Variants in GRAMD1C observed in about 807,000 individuals in gnomAD.
GRAMD1C encodes the protein protein Aster-C.
A neutral mutation model predicts 97.8 loss-of-function variants in GRAMD1C; 89 were observed. The ratio of observed to expected loss-of-function variants is 0.91; its 90% CI spans 0.77 to 1.09. The LOEUF is 1.09. Among genes scored for constraint, GRAMD1C ranks in the 50% least tolerant of loss-of-function variants. The probability of loss-of-function intolerance (pLI) is 0.00; values close to 1 mark genes in which losing one functional copy is unlikely to be tolerated. For missense variants in GRAMD1C, 740 were observed against 766.4 expected, an observed-to-expected ratio of 0.97 and a Z score of 0.41; for synonymous variants, 256 against 267.0, an observed-to-expected ratio of 0.96 and a Z score of 0.40.
At chr3:113,889,184 G>A (rs1441481093) in intron 6 of GRAMD1C, among the ~76,000 whole-genome samples, 1 of 120,892 alleles carries the variant, frequency 8.3e-6, no homozygotes, top group African/African-American at 3.2e-5. Context: ...TGGGCAGTAA[G>A]AGCAAAACTC....
chr3:113,880,842 C>T (rs939335014), intron 5 of GRAMD1C, among the ~76,000 whole-genome samples: 1 of 152,142 alleles, frequency 6.6e-6, no homozygotes, highest in Non-Finnish European at 1.5e-5. Flanking sequence ...ATTCACAGTA[C>T]TAACAACAGG....
chr3:113,833,884 G>A (rs1030980512), upstream of GRAMD1C, among the ~76,000 whole-genome samples: 7 of 152,058 alleles, frequency 4.6e-5, no homozygotes, highest in South Asian at 2.1e-4. Context: ...TCCCCACTCT[G>A]CCATTTTCGT....
chr3:113,858,391 TAC>T (rs1320647600), intron 2 of GRAMD1C, among the ~76,000 whole-genome samples: 4 of 65,808 alleles, frequency 6.1e-5, no homozygotes, highest in Admixed American at 4.6e-4. Context: ...TAATCCCAGC[TAC>T]ATTTTTTTTT....
At chr3:113,896,297 C>A (rs1350658770) in intron 6 of GRAMD1C, among the ~76,000 whole-genome samples, 2 of 152,166 alleles carry the variant, frequency 1.3e-5, no homozygotes, top group Non-Finnish European at 2.9e-5. Context: ...TCTTCCCTTG[C>A]CTTTCATGAC....
At chr3:113,891,850 G>A (rs1241439054) in intron 6 of GRAMD1C, among the ~76,000 whole-genome samples, 1 of 151,766 alleles carries the variant, frequency 6.6e-6, no homozygotes, top group Non-Finnish European at 1.5e-5. Flanking sequence ...CCGTGCCACT[G>A]CACTCCAGCC....
chr3:113,849,926 A>ACC lies in GRAMD1C; in HGVS notation c.174+5283_174+5284dup, dbSNP rs570943730. Reference sequence around the variant, plus strand: ...GGCGGCTGGCCAGGCGGGGGGGCTGACCCCCCCACCTCCCTCCCGGACGGG... The same window carrying ACC: ...GGCGGCTGGCCAGGCGGGGGGGCTGACCCCCCCCCACCTCCCTCCCGGACGGG... On this transcript the variant is annotated intron_variant, in intron 2 of 17. Transcript: ENST00000358160. Among the ~76,000 whole-genome samples, 19 of 138,714 alleles carry ACC rather than the reference A, an allele frequency of 1.4e-4. No homozygotes were observed. The East Asian group carries it at 2.0e-3, about 14-fold the overall frequency. 91.0% of individuals were successfully genotyped at this position (138,714 alleles called of 152,430 possible).
intron 11 of GRAMD1C, 37 bp downstream of exon 11, chr3:113,930,869 G>GT (rs149011696): frequency 0.048 from 50,575 of 1,062,014 alleles, 1,672 homozygotes; most frequent in African/African-American, 0.13. Context: ...AGAGTCATGT[G>GT]TGGGGGAAGA....
At chr3:113,851,522 C>CTTTTTTTT (rs35669503) in intron 2 of GRAMD1C, among the ~76,000 whole-genome samples, 1 of 133,606 alleles carries the variant, frequency 7.5e-6, no homozygotes, top group Non-Finnish European at 1.6e-5. Context: ...TTCTTTCTTT[C>CTTTTTTTT]TTTTTTTTTT....
At chr3:113,907,363 A>G (rs1247780804) in intron 8 of GRAMD1C, among the ~76,000 whole-genome samples, 1 of 152,234 alleles carries the variant, frequency 6.6e-6, no homozygotes, top group African/African-American at 2.4e-5. Flanking sequence ...TGTTTCTTGC[A>G]AAACTTATTC....
intron 6 of GRAMD1C, among the ~76,000 whole-genome samples, chr3:113,884,865 A>G (rs1935393857): frequency 6.7e-6 from 1 of 149,224 alleles, no homozygotes. Context: ...AAGAAAAAAG[A>G]GAGAGGCGCA....
At chr3:113,919,712 A>G (rs538226204) in intron 10 of GRAMD1C, 1 of 609,014 alleles carries the variant, frequency 1.6e-6, no homozygotes, top group East Asian at 4.1e-5. Flanking sequence ...CAACTGTATT[A>G]AGATAGAAGT....
At chr3:113,857,243 C>T (rs370554601) in intron 2 of GRAMD1C, among the ~76,000 whole-genome samples, 6 of 152,234 alleles carry the variant, frequency 3.9e-5, no homozygotes, top group African/African-American at 7.2e-5. Flanking sequence ...TGAATAAGAA[C>T]GGTGAGAGTG....
intron 3 of GRAMD1C, among the ~76,000 whole-genome samples, chr3:113,870,311 ATGG>A (rs1934744749): frequency 6.6e-6 from 1 of 151,890 alleles, no homozygotes; most frequent in Admixed American, 6.6e-5. Flanking sequence ...GCAGTGAGCT[ATGG>A]TGGTGTCACT....
chr3:113,920,611 G>A (rs1937008905), intron 10 of GRAMD1C, among the ~76,000 whole-genome samples: 1 of 151,876 alleles, frequency 6.6e-6, no homozygotes, highest in Non-Finnish European at 1.5e-5. Context: ...GTGCGATCTC[G>A]GCTCACTGCA....
chr3:113,875,732 T>A, intron 4 of GRAMD1C, 145 bp downstream of exon 4: 2 of 559,540 alleles, frequency 3.6e-6, no homozygotes, highest in South Asian at 4.9e-5. Flanking sequence ...AATACAAACG[T>A]GTTGTATATA....
rs140843310 is a variant in GRAMD1C at position 113,899,802 on chromosome 3, T to C, written c.541-1229T>C. Among the ~76,000 whole-genome samples, 153 of 152,322 alleles carry C rather than the reference T, an allele frequency of 1.0e-3. 1 individual carries two copies. Among genetic ancestry groups the C allele is most frequent in the African/African-American group, 3.2e-3 (132 of 41,574 alleles). On this transcript the variant is annotated intron_variant, in intron 6 of 17. Coordinates refer to ENST00000358160, the MANE Select transcript of GRAMD1C (RefSeq NM_017577.5). ...TAATGTGTGAGTTTGTTGTATTTGA[T>C]GATTTAAAAATTTGTTAATTTCTGC... is the stretch of plus-strand genomic sequence containing the variant.
chr3:113,932,946 G>A (rs1291879045), intron 11 of GRAMD1C, among the ~76,000 whole-genome samples: 2 of 150,310 alleles, frequency 1.3e-5, no homozygotes, highest in Admixed American at 6.6e-5. Context: ...GCAGTGAGGC[G>A]ATCTTGCTCA....
At chr3:113,837,029 C>T (rs1709641686), upstream of GRAMD1C, among the ~76,000 whole-genome samples, 1 of 152,152 alleles carries the variant, frequency 6.6e-6, no homozygotes, top group Admixed American at 6.5e-5. Flanking sequence ...ACTCTAATAG[C>T]CATTTCATAT....
chr3:113,842,899 G>T (rs1247390740), intron 1 of GRAMD1C, among the ~76,000 whole-genome samples: 2 of 151,510 alleles, frequency 1.3e-5, no homozygotes, highest in African/African-American at 4.9e-5. Flanking sequence ...GGAGGTAGAG[G>T]TTGCAGTGAG....
Sources: allele counts gnomAD v4.1 joint callset (sites outside exome capture counted in the v4.1 genomes callset), GRCh38; gene constraint gnomAD v4.1.1; transcripts MANE v1.5; gene names NCBI Gene and HGNC (gene_info 2026-07-23, HGNC 2026-07-21).